The following PCDH10 variants were observed in gnomAD, a reference collection of about 807,000 sequenced individuals.
PCDH10 encodes the protein protocadherin 10.
PCDH10 carries 15 observed loss-of-function variants against 74.4 expected under a neutral mutation model. The ratio of observed to expected loss-of-function variants is 0.20; its 90% confidence interval spans 0.13 to 0.31. PCDH10 has a LOEUF of 0.31. Among genes scored for constraint, PCDH10 ranks in the 10% least tolerant of loss-of-function variants. PCDH10 has a pLI of 1.00. For missense variants in PCDH10, 1,260 were observed against 1,390.2 expected, an observed-to-expected ratio of 0.91 and a Z score of 1.49; for synonymous variants, 619 against 589.8, an observed-to-expected ratio of 1.05 and a Z score of -0.72.
rs568804747 is a variant in PCDH10, at chr4:133,151,752, G to T, written c.1612G>T (p.Asp538Tyr). 2 of 1,613,138 alleles carry T rather than the reference G, an allele frequency of 1.2e-6. No homozygotes were observed. The highest frequency in any genetic ancestry group is 4.5e-5 in the East Asian group (2 of 44,854). The change falls in exon 1 of 5, where the codon GAC becomes TAC. Residue 538 changes from aspartate (D) to tyrosine (Y), a missense_variant. This residue lies in a region of PCDH10 where 587 missense variants were observed against 616.9 expected (regional missense o/e 0.95). Coordinates refer to ENST00000264360, the MANE Select transcript of PCDH10 (RefSeq NM_032961.3). ...CTCCTTCGACTATGAGCAGCTGAAG[G>T]ACTTCAGTTTTCAGGTGGAAGCCCG... ...LRSFDYEQLK[D>Y]FSFQVEARDA...
chr4:133,179,510 G>A (rs1727365756), intron 4 of PCDH10, among the ~76,000 whole-genome samples: 1 of 151,960 alleles, frequency 6.6e-6, no homozygotes, highest in African/African-American at 2.4e-5. Flanking sequence ...TATACATTCT[G>A]TTCTTCTGAC....
In PCDH10 at chr4:133,151,742, G is replaced by A. The variant is rs1726704193; in HGVS notation, c.1602G>A (p.Glu534=). 6.2e-7 allele frequency: 1 copy of A among 1,613,144 alleles called. No individual in the cohort carries two copies. Residue 534 remains glutamate, a synonymous_variant, in exon 1 of 5, where the codon GAG becomes GAA. Transcript: ENST00000264360. Reference sequence around the variant, plus strand: ...ACGCCCTGCGCTCCTTCGACTATGAGCAGCTGAAGGACTTCAGTTTTCAGG... The same window carrying A: ...ACGCCCTGCGCTCCTTCGACTATGAACAGCTGAAGGACTTCAGTTTTCAGG... The part of the protein sequence containing the change: ...YLYALRSFDY[E]QLKDFSFQVE...
chr4:133,151,014 C>T lies in PCDH10; in HGVS notation c.874C>T (p.His292Tyr), dbSNP rs773414657. The change falls in exon 1 of 5, where the codon CAC becomes TAC. Residue 292 changes from histidine (H) to tyrosine (Y), a missense_variant. His to Tyr is a moderately conservative substitution (Grantham distance 83). Transcript: ENST00000264360. Reference sequence around the variant, plus strand: ...TGAGGTCGTGTACTCCTTCAGCAGCCACATTTCGCCCCGGGCGCGGGAGCT... The same window carrying T: ...TGAGGTCGTGTACTCCTTCAGCAGCTACATTTCGCCCCGGGCGCGGGAGCT... ...NGEVVYSFSS[H>Y]ISPRARELFG... The T allele has an allele frequency of 2.5e-6, 4 of 1,613,736 alleles. No individual in the cohort carries two copies. In the African/African-American group the frequency reaches 5.3e-5, roughly 22 times the overall value.
intron 2 of PCDH10, among the ~76,000 whole-genome samples, chr4:133,207,645 C>G (rs1478413386): frequency 1.3e-5 from 2 of 151,698 alleles, no homozygotes; most frequent in African/African-American, 2.4e-5. Flanking sequence ...AGTAACTGTA[C>G]TCATCAATTA....
At chr4:133,198,244 C>A (rs967798858), downstream of PCDH10, among the ~76,000 whole-genome samples, 1 of 151,858 alleles carries the variant, frequency 6.6e-6, no homozygotes, top group African/African-American at 2.4e-5. Flanking sequence ...GACAGGGCTA[C>A]AAAGACTACA....
chr4:133,150,151 T>C lies in PCDH10; in HGVS notation c.11T>C (p.Leu4Pro), dbSNP rs375749102. MIV[L>P]LLFALLWMVE... ...CCTTTCCTTTTGGAGATGATTGTGC[T>C]ATTATTGTTTGCCTTGCTCTGGATG... The change falls in exon 1 of 5, where the codon CTA becomes CCA. Residue 4 changes from leucine (L) to proline (P), a missense_variant. Leu to Pro is a moderately conservative substitution (Grantham distance 98, BLOSUM62 -3). Transcript: ENST00000264360. 5.2e-6 allele frequency: 8 copies of C among 1,546,876 alleles called. No homozygotes were observed. Among genetic ancestry groups the C allele is most frequent in the Non-Finnish European group, 7.0e-6 (8 of 1,146,352 alleles).
intron 4 of PCDH10, 36 bp from the exon 5 acceptor site, chr4:133,190,105 T>C (rs997458261): frequency 1.9e-5 from 30 of 1,579,632 alleles, no homozygotes; most frequent in Non-Finnish European, 2.5e-5. Flanking sequence ...AAAGTCAACC[T>C]CTTTTTCTTA....
chr4:133,198,102 A>C (rs1349608274), downstream of PCDH10, among the ~76,000 whole-genome samples: 1 of 152,040 alleles, frequency 6.6e-6, no homozygotes, highest in Non-Finnish European at 1.5e-5. Flanking sequence ...CCCCTTTAAT[A>C]TTAGTCTTTA....
intron 4 of PCDH10, among the ~76,000 whole-genome samples, chr4:133,174,236 G>A (rs1225055638): frequency 6.6e-6 from 1 of 151,866 alleles, no homozygotes; most frequent in African/African-American, 2.4e-5. Flanking sequence ...AGTAATACAT[G>A]CTTTCTTCAT....
exon 3 of PCDH10, chr4:133,208,504 C>A (rs1321452763): frequency 6.6e-6 from 1 of 152,046 alleles, no homozygotes; most frequent in African/African-American, 2.4e-5. Flanking sequence ...TCAGTTCTTG[C>A]TTACTCCTCT....
intron 4 of PCDH10, among the ~76,000 whole-genome samples, chr4:133,167,626 A>G (rs1374650338): frequency 6.6e-6 from 1 of 151,376 alleles, no homozygotes; most frequent in Non-Finnish European, 1.5e-5. Flanking sequence ...TTAACTTGAT[A>G]TGTTAATTTC....
chr4:133,164,039 A>G (rs1727030159), intron 4 of PCDH10: 1 of 456,002 alleles, frequency 2.2e-6, no homozygotes, highest in African/African-American at 2.0e-5. Flanking sequence ...TATTAGATGC[A>G]TACATTGTAG....
intron 3 of PCDH10, among the ~76,000 whole-genome samples, chr4:133,162,313 T>C (rs12507072): frequency 4.0e-4 from 61 of 152,130 alleles, no homozygotes; most frequent in Non-Finnish European, 6.0e-4. Context: ...TTTAGTAATA[T>C]GGACTACCAG....
In PCDH10 at chr4:133,152,539, C is replaced by T. The variant is rs764050915; in HGVS notation, c.2399C>T (p.Ala800Val). Residue 800 changes from alanine to valine, a missense_variant, in exon 1 of 5, where the codon GCC (alanine) becomes GTC (valine). Physicochemically the swap from Ala to Val is moderately conservative, Grantham distance 64. Around this residue, in one of 11 missense-constraint regions of PCDH10, gnomAD observed 587 missense variants for 616.9 expected, o/e 0.95. Transcript: ENST00000264360. Reference protein sequence around the residue: ...VQSSNVPSNPAQVPIEESGGF... With the variant: ...VQSSNVPSNPVQVPIEESGGF... ...AGCTCCAATGTACCCAGTAACCCGGCCCAGGTGCCGATAGAGGAGTCCGGG... is the reference window on the plus strand; with the variant it reads ...AGCTCCAATGTACCCAGTAACCCGGTCCAGGTGCCGATAGAGGAGTCCGGG... The T allele has an allele frequency of 6.2e-7, 1 of 1,614,152 alleles. No individual in the cohort carries two copies. The highest frequency in any genetic ancestry group is 8.5e-7 in the Non-Finnish European group (1 of 1,180,022).
intron 4 of PCDH10, among the ~76,000 whole-genome samples, chr4:133,189,216 A>G (rs1727605515): frequency 6.6e-6 from 1 of 152,174 alleles, no homozygotes; most frequent in African/African-American, 2.4e-5. Context: ...TGTACTTTGT[A>G]ACTTTTAATG....
At chr4:133,176,817 G>A (rs1222565225) in intron 4 of PCDH10, among the ~76,000 whole-genome samples, 4 of 151,872 alleles carry the variant, frequency 2.6e-5, no homozygotes, top group African/African-American at 9.7e-5. Flanking sequence ...TACTTAATTT[G>A]TATGCTTACA....
chr4:133,152,926 C>G, intron 1 of PCDH10, 155 bp downstream of exon 1: 1 of 1,457,458 alleles, frequency 6.9e-7, no homozygotes, highest in South Asian at 1.5e-5. Flanking sequence ...CACCTTCTCC[C>G]ACTCCTTCGT....
chr4:133,151,469 C>A lies in PCDH10; in HGVS notation c.1329C>A (p.Leu443=), dbSNP rs1726691543. ...CTCGGGACCGGGGCGAGCCTGCGCT[C>A]TCCACCAGTAAGTCGATCCAGGTAC... ...VVARDRGEPA[L]STSKSIQVQV... Residue 443 remains leucine, a synonymous_variant, in exon 1 of 5, where the codon CTC becomes CTA. Coordinates refer to ENST00000264360, the MANE Select transcript of PCDH10 (RefSeq NM_032961.3). 7.4e-6 allele frequency: 12 copies of A among 1,613,760 alleles called. No homozygotes were observed. Among genetic ancestry groups the A allele is most frequent in the Non-Finnish European group, 1.0e-5 (12 of 1,180,028 alleles).
intron 1 of PCDH10, chr4:133,153,879 A>G (rs1726801867): frequency 1.2e-5 from 2 of 161,848 alleles, no homozygotes; most frequent in Non-Finnish European, 2.7e-5. Flanking sequence ...AATTCCATGA[A>G]ATATCCAAAC....
Sources: gnomAD v4.1 joint callset for allele counts (sites outside exome capture counted in the v4.1 genomes callset) on GRCh38, gnomAD v4.1.1 for gene constraint, gnomAD v4.1.1 regional missense constraint, MANE v1.5 for transcripts, NCBI Gene and HGNC (gene_info 2026-07-23, HGNC 2026-07-21) for gene names.